NUP210L: variants seen among roughly 807,000 people sequenced by gnomAD.
NUP210L encodes the protein nucleoporin 210 like.
A neutral mutation model predicts 208.5 loss-of-function variants in NUP210L; 74 were observed. The ratio of observed to expected loss-of-function variants is 0.35; its 90% CI spans 0.29 to 0.43. The LOEUF (loss-of-function observed/expected upper bound fraction) is 0.43. NUP210L is among the 20% of genes least tolerant of loss of function. The probability of loss-of-function intolerance (pLI) is 1.00; values close to 1 mark genes in which losing one functional copy is unlikely to be tolerated. For synonymous variants in NUP210L, 780 were observed against 816.9 expected, an observed-to-expected ratio of 0.95 and a Z score of 0.77; for missense variants, 1,843 against 2,289.4, an observed-to-expected ratio of 0.81 and a Z score of 3.98.
intron 17 of NUP210L, among the ~76,000 whole-genome samples, chr1:154,062,589 T>TTGTG (rs1286804007): frequency 3.5e-5 from 4 of 112,942 alleles, no homozygotes; most frequent in Non-Finnish European, 5.3e-5. Context: ...TTTTTTTTTT[T>TTGTG]TGTGTGTGTG....
At chr1:154,147,494 T>G (rs917426629) in intron 2 of NUP210L, among the ~76,000 whole-genome samples, 1 of 151,838 alleles carries the variant, frequency 6.6e-6, no homozygotes, top group Non-Finnish European at 1.5e-5. Context: ...CGTACCATCA[T>G]GCCTGGCTAA....
intron 2 of NUP210L, 41 bp downstream of exon 2, chr1:154,152,695 C>T: frequency 1.3e-6 from 2 of 1,572,982 alleles, no homozygotes; most frequent in East Asian, 2.3e-5. Context: ...ATTATTCTAC[C>T]CCAGAAGAAG....
At chr1:154,029,678 G>A (rs529973254) in intron 28 of NUP210L, among the ~76,000 whole-genome samples, 40 of 152,134 alleles carry the variant, frequency 2.6e-4, no homozygotes, top group Admixed American at 1.8e-3. Context: ...CAACAAGAGC[G>A]AAACTCCGTC....
At chr1:154,150,421 AC>A (rs1659321830) in intron 2 of NUP210L, among the ~76,000 whole-genome samples, 2 of 151,414 alleles carry the variant, frequency 1.3e-5, no homozygotes, top group Admixed American at 6.6e-5. Context: ...ACCATCATAA[AC>A]AAAATTTTAT....
At chr1:154,001,328 G>C (rs1650200853) in intron 36 of NUP210L, among the ~76,000 whole-genome samples, 1 of 152,130 alleles carries the variant, frequency 6.6e-6, no homozygotes, top group African/African-American at 2.4e-5. Context: ...CTCCCGAGTA[G>C]CTGGGACTAC....
At chr1:153,995,255 A>G (rs1197548538) in intron 37 of NUP210L, 75 bp from the exon 38 acceptor site, 4 of 1,104,726 alleles carry the variant, frequency 3.6e-6, no homozygotes, top group Admixed American at 4.1e-5. Context: ...TTTAAATTTA[A>G]TTTTTTTTGA....
intron 37 of NUP210L, among the ~76,000 whole-genome samples, chr1:153,997,570 G>A (rs1649967402): frequency 6.7e-6 from 1 of 149,504 alleles, no homozygotes; most frequent in South Asian, 2.1e-4. Flanking sequence ...AGGCTCAAGC[G>A]ATCCTCCCAC....
intron 25 of NUP210L, among the ~76,000 whole-genome samples, chr1:154,046,613 A>C (rs1031011261): frequency 6.6e-6 from 1 of 152,254 alleles, no homozygotes; most frequent in Admixed American, 6.5e-5. Flanking sequence ...CATAAAAAGA[A>C]TGAGATCCTG....
intron 16 of NUP210L, among the ~76,000 whole-genome samples, chr1:154,086,188 G>A (rs1412959994): frequency 6.0e-5 from 9 of 150,424 alleles, no homozygotes; most frequent in African/African-American, 2.2e-4. Flanking sequence ...CTCCAGCCTG[G>A]GCAATAGAGT....
At chr1:154,147,585 C>T (rs1659181892) in intron 2 of NUP210L, among the ~76,000 whole-genome samples, 1 of 151,414 alleles carries the variant, frequency 6.6e-6, no homozygotes, top group Non-Finnish European at 1.5e-5. Flanking sequence ...CTCAAGTGTT[C>T]CTCCTGCCTC....
intron 17 of NUP210L, among the ~76,000 whole-genome samples, chr1:154,069,794 A>T (rs1007787910): frequency 7.2e-5 from 11 of 152,350 alleles, no homozygotes; most frequent in Non-Finnish European, 1.3e-4. Flanking sequence ...AAGACCTAGA[A>T]CCAACCAAAA....
intron 27 of NUP210L, among the ~76,000 whole-genome samples, chr1:154,044,678 T>C (rs186484863): frequency 7.2e-5 from 11 of 152,288 alleles, no homozygotes; most frequent in Admixed American, 7.2e-4. Context: ...GTAACCCCTC[T>C]ATTATCTCCC....
intron 4 of NUP210L, 152 bp from the exon 5 acceptor site, chr1:154,140,104 A>T: frequency 1.6e-6 from 1 of 611,832 alleles, no homozygotes; most frequent in Non-Finnish European, 2.7e-6. Context: ...TAATCCTAGC[A>T]CTTTGGGAGG....
At chr1:154,104,175 T>G (rs751725711) in exon 13 of NUP210L, 1 of 1,613,928 alleles carries the variant, frequency 6.2e-7, no homozygotes, top group East Asian at 2.2e-5. Context: ...CATGAAATGG[T>G]AACAGTTCCA....
intron 7 of NUP210L, among the ~76,000 whole-genome samples, chr1:154,135,592 T>G (rs1239280586): frequency 6.6e-6 from 1 of 152,066 alleles, no homozygotes; most frequent in Non-Finnish European, 1.5e-5. Context: ...TGGCTAATTT[T>G]TAGTATTTTT....
chr1:154,079,785 T>C (rs1415122860), intron 16 of NUP210L: 2 of 151,860 alleles, frequency 1.3e-5, no homozygotes, highest in African/African-American at 4.9e-5. Flanking sequence ...AAGGTCAAGA[T>C]CACTTGGTCT....
exon 19 of NUP210L, chr1:154,060,948 A>G (rs766286098): frequency 6.2e-6 from 10 of 1,602,488 alleles, no homozygotes; most frequent in Non-Finnish European, 8.6e-6. Flanking sequence ...CTACCTTTAC[A>G]TCAGGGTGGT....
At chr1:154,057,697 T>C (rs1387319020) in intron 22 of NUP210L, among the ~76,000 whole-genome samples, 8 of 140,422 alleles carry the variant, frequency 5.7e-5, no homozygotes, top group Non-Finnish European at 9.1e-5. Flanking sequence ...CGAATGTGTG[T>C]GTGTGTGTGT....
intron 1 of NUP210L, 138 bp from the exon 2 acceptor site, chr1:154,153,010 C>T: frequency 1.5e-6 from 1 of 678,974 alleles, no homozygotes; most frequent in Non-Finnish European, 2.5e-6. Flanking sequence ...AGGAACATTG[C>T]TTAGGGATGC....
Sources: gnomAD v4.1 joint callset for allele counts (sites outside exome capture counted in the v4.1 genomes callset) on GRCh38, gnomAD v4.1.1 for gene constraint, MANE v1.5 for transcripts, NCBI Gene and HGNC (gene_info 2026-07-23, HGNC 2026-07-21) for gene names.